SATL1: variants seen among roughly 807,000 people sequenced by gnomAD.
SATL1 encodes spermidine/spermine N(1)-acetyltransferase-like protein 1.
SATL1 carries 47 observed loss-of-function variants against 51.8 expected under a neutral mutation model. The ratio of observed to expected loss-of-function variants is 0.91; its 90% CI spans 0.72 to 1.16. The LOEUF is 1.16. Among genes scored for constraint, SATL1 ranks in the 50% most tolerant of loss-of-function variants. The probability of loss-of-function intolerance (pLI) is 0.00; values close to 1 mark genes in which losing one functional copy is unlikely to be tolerated. For synonymous variants in SATL1, 176 were observed against 182.4 expected (o/e 0.97, Z 0.28); for missense variants, 520 against 526.4 (o/e 0.99, Z 0.12).
intron 2 of SATL1, among the ~76,000 whole-genome samples, chrX:85,167,251 T>TGG (rs201321430): frequency 1.5e-3 from 124 of 84,472 alleles, no homozygotes; most frequent in African/African-American, 5.0e-3. Context: ...ATCAGAGAGA[T>TGG]GGGGGGGGGG....
In SATL1 at chrX:85,108,118, T is replaced by A; in HGVS notation, c.851A>T (p.Tyr284Phe). Residue 284 changes from tyrosine to phenylalanine, a missense_variant, in exon 3 of 8, where the codon TAT becomes TTT. Tyr to Phe is a conservative substitution (Grantham distance 22). Transcript: ENST00000644105. ...TTTCATGTCCACTTGGTTCATTTCATATAGGCTTGCACTCCATTGGTTCAT... is the reference window on the plus strand; with the variant it reads ...TTTCATGTCCACTTGGTTCATTTCAAATAGGCTTGCACTCCATTGGTTCAT... ...MDMNQWSASL[Y>F]EMNQVDMKQP... 8.3e-7 allele frequency: 1 copy of A among 1,211,934 alleles called. No homozygotes were observed. The highest frequency in any genetic ancestry group is 1.1e-6 in the Non-Finnish European group (1 of 895,594).
intron 2 of SATL1, among the ~76,000 whole-genome samples, chrX:85,130,290 T>C (rs1040961244): frequency 3.6e-5 from 4 of 111,565 alleles, no homozygotes; most frequent in Admixed American, 1.9e-4. Context: ...CTTTTTTTGG[T>C]TAATAGGCTA....
chrX:85,166,915 G>GTATATA (rs749160963), intron 2 of SATL1, among the ~76,000 whole-genome samples: 119 of 84,198 alleles, frequency 1.4e-3, no homozygotes, highest in South Asian at 2.5e-3. Context: ...AGAAAATGGG[G>GTATATA]TATATATATA....
chrX:85,133,900 A>T (rs1372670021), intron 2 of SATL1, among the ~76,000 whole-genome samples: 1 of 112,290 alleles, frequency 8.9e-6, no homozygotes, highest in Non-Finnish European at 1.9e-5. Context: ...ATAATTATCA[A>T]TTATGATATA....
At chrX:85,177,804 A>G (rs1927113275) in intron 2 of SATL1, among the ~76,000 whole-genome samples, 1 of 111,701 alleles carries the variant, frequency 9.0e-6, no homozygotes, top group Non-Finnish European at 1.9e-5. Context: ...GGTGGAGATT[A>G]CAGGGTGGGG....
intron 1 of SATL1, among the ~76,000 whole-genome samples, chrX:85,236,249 A>T (rs1202481506): frequency 9.0e-6 from 1 of 111,248 alleles, no homozygotes; most frequent in Non-Finnish European, 1.9e-5. Context: ...GAACTTTACC[A>T]AACATTTAAA....
chrX:85,101,941 C>A (rs772536974), intron 4 of SATL1, among the ~76,000 whole-genome samples: 1 of 109,012 alleles, frequency 9.2e-6, no homozygotes, highest in East Asian at 2.9e-4. Flanking sequence ...ATATATATTT[C>A]CAGTCATATG....
At chrX:85,159,108 C>T (rs1334729280) in intron 2 of SATL1, among the ~76,000 whole-genome samples, 1 of 111,705 alleles carries the variant, frequency 9.0e-6, no homozygotes, top group African/African-American at 3.3e-5. Context: ...TTGTGATAAT[C>T]TCCAGCCCTT....
At chrX:85,097,343 T>C (rs1232823692) in intron 4 of SATL1, among the ~76,000 whole-genome samples, 6 of 112,004 alleles carry the variant, frequency 5.4e-5, no homozygotes, top group Non-Finnish European at 9.4e-5. Flanking sequence ...AAAATAATTA[T>C]TACTTTTTAT....
Position 85,115,033 on chromosome X carries a change from G to A in SATL1, c.-312-5753C>T, listed in dbSNP as rs147714879. ...GAACTTGAAGGTCTTGATGCATACT[G>A]GGAAGGGGTTGGAAGTGATTAGAGA... is the stretch of plus-strand genomic sequence containing the variant. On this transcript the variant is annotated intron_variant, in intron 2 of 7. Coordinates refer to ENST00000644105, the MANE Select transcript of SATL1 (RefSeq NM_001367857.2). Among the ~76,000 whole-genome samples the A allele has an allele frequency of 9.0e-5, 10 of 111,630 alleles. No homozygotes were observed. The East Asian group carries it at 2.8e-3, about 32-fold the overall frequency.
chrX:85,106,114 C>T (rs972922808), intron 3 of SATL1, among the ~76,000 whole-genome samples: 7 of 111,513 alleles, frequency 6.3e-5, no homozygotes, highest in Non-Finnish European at 1.1e-4. Flanking sequence ...TATTAATTGC[C>T]GACCGAGTGT....
At chrX:85,203,865 G>A (rs1250836261) in intron 2 of SATL1, among the ~76,000 whole-genome samples, 3 of 112,623 alleles carry the variant, frequency 2.7e-5, no homozygotes, top group Non-Finnish European at 5.6e-5. Flanking sequence ...GCGTAGTGCC[G>A]TGGAAGTGAG....
chrX:85,218,693 G>A (rs1226255323), intron 2 of SATL1, among the ~76,000 whole-genome samples: 1 of 111,579 alleles, frequency 9.0e-6, no homozygotes, highest in Non-Finnish European at 1.9e-5. Context: ...TCACAATTGT[G>A]CAATACTAGA....
intron 2 of SATL1, among the ~76,000 whole-genome samples, chrX:85,152,447 C>G (rs1926473541): frequency 9.0e-6 from 1 of 111,609 alleles, no homozygotes; most frequent in Admixed American, 9.5e-5. Context: ...TACCATTTGA[C>G]CCAGCCATCC....
intron 2 of SATL1, among the ~76,000 whole-genome samples, chrX:85,120,872 A>G (rs1237126852): frequency 2.7e-5 from 3 of 111,384 alleles, no homozygotes; most frequent in South Asian, 3.7e-4. Context: ...ATCATCACCT[A>G]TGGTGATGAT....
At chrX:85,113,896 C>G (rs985928599) in intron 2 of SATL1, among the ~76,000 whole-genome samples, 1 of 111,293 alleles carries the variant, frequency 9.0e-6, no homozygotes, top group African/African-American at 3.3e-5. Flanking sequence ...AACTTGGGAT[C>G]CCTGGGCCCG....
At chrX:85,104,207 C>CA (rs1924972993) in intron 3 of SATL1, among the ~76,000 whole-genome samples, 1 of 111,105 alleles carries the variant, frequency 9.0e-6, no homozygotes, top group Non-Finnish European at 1.9e-5. Flanking sequence ...AGAAGTAAGG[C>CA]AAAAAAAGTT....
chrX:85,177,598 T>C (rs182943241), intron 2 of SATL1, among the ~76,000 whole-genome samples: 54 of 111,656 alleles, frequency 4.8e-4, no homozygotes, highest in African/African-American at 1.7e-3. Context: ...CATCTCACTG[T>C]GCAACTATAT....
At chrX:85,165,592 T>C (rs957843970) in intron 2 of SATL1, among the ~76,000 whole-genome samples, 2 of 111,520 alleles carry the variant, frequency 1.8e-5, no homozygotes, top group African/African-American at 6.5e-5. Flanking sequence ...GAAGACCTAA[T>C]GTAATCTTTG....
Sources: gnomAD v4.1 joint callset for allele counts (sites outside exome capture counted in the v4.1 genomes callset) on GRCh38, gnomAD v4.1.1 for gene constraint, MANE v1.5 for transcripts, NCBI Gene and HGNC (gene_info 2026-07-23, HGNC 2026-07-21) for gene names.